The following PCED1B variants were observed in gnomAD, a reference collection of about 807,000 sequenced individuals.
PCED1B encodes the protein PC-esterase domain containing 1B.
For synonymous variants in PCED1B, 251 were observed against 246.1 expected (o/e 1.02, Z -0.19); for missense variants, 573 against 573.9 (o/e 1.00, Z 0.02).
In PCED1B at chr12:47,230,164, A is replaced by T. The variant is rs531231151; in HGVS notation, c.-57-4843A>T. Among the ~76,000 whole-genome samples the T allele has an allele frequency of 6.9e-5, 10 of 144,926 alleles. No homozygotes were observed. The East Asian group carries it at 2.0e-3, about 30-fold the overall frequency. On this transcript the variant is annotated intron_variant, in intron 3 of 3. Transcript: ENST00000546455. Reference sequence around the variant, plus strand: ...CAGTGGCAGGATCTCGGCTCACTACAAGTTCCGCCTCCCAGGTTCACACCT... The same window carrying T: ...CAGTGGCAGGATCTCGGCTCACTACTAGTTCCGCCTCCCAGGTTCACACCT...
chr12:47,208,394 A>T (rs1380343590), intron 2 of PCED1B: 3 of 152,126 alleles, frequency 2.0e-5, no homozygotes, highest in Non-Finnish European at 4.4e-5. Context: ...CACCACCCTC[A>T]GCTAATTTTT....
chr12:47,092,469 T>C (rs1403663847), intron 1 of PCED1B, among the ~76,000 whole-genome samples: 2 of 152,038 alleles, frequency 1.3e-5, no homozygotes, highest in African/African-American at 4.8e-5. Context: ...TGTCTGGAAA[T>C]GACAATTTTA....
intron 2 of PCED1B, among the ~76,000 whole-genome samples, chr12:47,191,064 C>G (rs1942425173): frequency 6.6e-6 from 1 of 152,192 alleles, no homozygotes; most frequent in African/African-American, 2.4e-5. Context: ...TGACTACCCT[C>G]TAACGAAATG....
intron 1 of PCED1B, among the ~76,000 whole-genome samples, chr12:47,092,619 A>G (rs1938314752): frequency 6.6e-6 from 1 of 152,046 alleles, no homozygotes; most frequent in African/African-American, 2.4e-5. Flanking sequence ...GAAGTTTTCA[A>G]CATACTACCA....
At chr12:47,215,506 G>A (rs537894985) in intron 2 of PCED1B, among the ~76,000 whole-genome samples, 5 of 151,884 alleles carry the variant, frequency 3.3e-5, no homozygotes, top group South Asian at 2.1e-4. Flanking sequence ...CACCCGCCTC[G>A]GCCTCCCAAA....
intron 1 of PCED1B, among the ~76,000 whole-genome samples, chr12:47,090,671 G>A (rs1407891635): frequency 2.6e-5 from 4 of 151,984 alleles, no homozygotes; most frequent in Non-Finnish European, 4.4e-5. Flanking sequence ...TAGCTCACCT[G>A]TTTTTATACT....
chr12:47,156,300 C>G (rs960714680), intron 2 of PCED1B, among the ~76,000 whole-genome samples: 1 of 152,154 alleles, frequency 6.6e-6, no homozygotes, highest in African/African-American at 2.4e-5. Flanking sequence ...TTGGCTGCTG[C>G]TGGGTTGCCA....
intron 2 of PCED1B, among the ~76,000 whole-genome samples, chr12:47,123,459 G>C (rs914697171): frequency 1.3e-5 from 2 of 151,970 alleles, no homozygotes; most frequent in Non-Finnish European, 2.9e-5. Context: ...AGAGAATAGA[G>C]ATTGCACAAA....
At chr12:47,101,075 AG>A (rs542183055) in intron 1 of PCED1B, among the ~76,000 whole-genome samples, 27 of 123,402 alleles carry the variant, frequency 2.2e-4, no homozygotes, top group African/African-American at 7.6e-4. Flanking sequence ...TCTCAAAAAA[AG>A]AAAAAAAAAA....
At chr12:47,125,377 G>T (rs1939844103) in intron 2 of PCED1B, among the ~76,000 whole-genome samples, 1 of 151,924 alleles carries the variant, frequency 6.6e-6, no homozygotes, top group Admixed American at 6.6e-5. Context: ...TGATTTATTT[G>T]CCTATCTGAT....
chr12:47,188,042 T>C (rs1270034963), intron 2 of PCED1B, among the ~76,000 whole-genome samples: 1 of 152,138 alleles, frequency 6.6e-6, no homozygotes, highest in Non-Finnish European at 1.5e-5. Flanking sequence ...CAGTTTGTCT[T>C]ACCTGGAAGC....
intron 2 of PCED1B, among the ~76,000 whole-genome samples, chr12:47,128,323 A>G (rs11183753): frequency 0.22 from 33,974 of 152,040 alleles, 7,197 homozygotes; most frequent in African/African-American, 0.56. Flanking sequence ...TGTCTTATCT[A>G]TTTAAAAGTG....
chr12:47,195,057 C>T (rs534850608), intron 2 of PCED1B, among the ~76,000 whole-genome samples: 28 of 152,034 alleles, frequency 1.8e-4, no homozygotes, highest in Middle Eastern at 3.4e-3. Context: ...GTAGGCCGGG[C>T]GCGGTGGCTC....
At chr12:47,221,338 C>CTTT (rs63059763) in intron 3 of PCED1B, among the ~76,000 whole-genome samples, 5 of 108,910 alleles carry the variant, frequency 4.6e-5, no homozygotes, top group East Asian at 2.8e-4. Context: ...CATCAAAATT[C>CTTT]TTTTTTTTTT....
At chr12:47,084,135 T>C (rs939228826) in intron 1 of PCED1B, among the ~76,000 whole-genome samples, 2 of 152,188 alleles carry the variant, frequency 1.3e-5, no homozygotes, top group African/African-American at 4.8e-5. Context: ...TTACACCAAA[T>C]CTACTGAACA....
intron 1 of PCED1B, among the ~76,000 whole-genome samples, chr12:47,085,944 T>C (rs1349565493): frequency 6.8e-6 from 1 of 147,300 alleles, no homozygotes; most frequent in Non-Finnish European, 1.5e-5. Context: ...AGACCTCCCC[T>C]GTTTGAGGCA....
intron 1 of PCED1B, among the ~76,000 whole-genome samples, chr12:47,087,863 G>A (rs1165916581): frequency 2.0e-5 from 3 of 152,090 alleles, no homozygotes; most frequent in Non-Finnish European, 4.4e-5. Context: ...TGTGGCACTC[G>A]CAATAAAGAA....
At chr12:47,188,206 C>A (rs774086172) in intron 2 of PCED1B, among the ~76,000 whole-genome samples, 2 of 152,132 alleles carry the variant, frequency 1.3e-5, no homozygotes, top group Non-Finnish European at 2.9e-5. Flanking sequence ...GGGTTCCCAG[C>A]ATCTAACACC....
chr12:47,214,876 T>C (rs1181794111), intron 2 of PCED1B, among the ~76,000 whole-genome samples: 1 of 152,112 alleles, frequency 6.6e-6, no homozygotes, highest in Non-Finnish European at 1.5e-5. Context: ...GCCAAATAAC[T>C]ATATTTTGGG....
Sources: allele counts gnomAD v4.1 joint callset (sites outside exome capture counted in the v4.1 genomes callset), GRCh38; gene constraint gnomAD v4.1.1; transcripts MANE v1.5; gene names NCBI Gene and HGNC (gene_info 2026-07-23, HGNC 2026-07-21).